CACNA1D: variants seen among roughly 807,000 people sequenced by gnomAD.
The protein encoded by CACNA1D is calcium voltage-gated channel subunit alpha1 D, also known as voltage-dependent L-type calcium channel subunit alpha-1D.
In CACNA1D, 55 loss-of-function variants were observed where a neutral mutation model predicts 257.1. That is an observed-to-expected ratio of 0.21 (90% CI 0.17 to 0.27). The LOEUF is 0.27. Among genes scored for constraint, CACNA1D ranks in the 10% least tolerant of loss-of-function variants. CACNA1D has a pLI of 1.00. For missense variants in CACNA1D, 1,876 were observed against 2,784.0 expected (o/e 0.67, Z 7.34); for synonymous variants, 980 against 1,014.9 (o/e 0.97, Z 0.65).
At chr3:53,787,326 GA>G (rs2095459464) in intron 40 of CACNA1D, among the ~76,000 whole-genome samples, 1 of 152,154 alleles carries the variant, frequency 6.6e-6, no homozygotes, top group East Asian at 1.9e-4. Context: ...CTTTCCATCT[GA>G]ACGCAAGTGC....
chr3:53,784,712 G>A (rs1008802090), intron 39 of CACNA1D, among the ~76,000 whole-genome samples: 5 of 152,182 alleles, frequency 3.3e-5, no homozygotes, highest in African/African-American at 1.2e-4. Context: ...GCTGTGGCAT[G>A]GCAGGCCACC....
intron 47 of CACNA1D, among the ~76,000 whole-genome samples, chr3:53,810,757 T>TA (rs2095594162): frequency 6.2e-5 from 1 of 16,012 alleles, no homozygotes; most frequent in Non-Finnish European, 1.3e-4. Flanking sequence ...GACTCTTGTC[T>TA]CAAAAAAAAA....
chr3:53,808,887 C>T (rs996379044), intron 46 of CACNA1D, 117 bp downstream of exon 46: 16 of 1,050,646 alleles, frequency 1.5e-5, no homozygotes, highest in African/African-American at 1.3e-4. Context: ...GAATCTTCAC[C>T]TACAGTCTAG....
chr3:53,556,449 G>A (rs193110779), intron 3 of CACNA1D, among the ~76,000 whole-genome samples: 4 of 152,274 alleles, frequency 2.6e-5, no homozygotes, highest in African/African-American at 9.6e-5. Flanking sequence ...TGTAATAGGT[G>A]CGTAGTAGTA....
chr3:53,762,575 A>G (rs1439756827), intron 30 of CACNA1D: 2 of 456,698 alleles, frequency 4.4e-6, no homozygotes, highest in Admixed American at 2.3e-5. Context: ...TGCATGGAAC[A>G]CTTTTGATGC....
chr3:53,722,862 C>G (rs1351118379), intron 12 of CACNA1D, among the ~76,000 whole-genome samples: 1 of 152,174 alleles, frequency 6.6e-6, no homozygotes, highest in African/African-American at 2.4e-5. Context: ...GGGTGTGGGA[C>G]ACTCATCCCT....
intron 3 of CACNA1D, among the ~76,000 whole-genome samples, chr3:53,556,752 T>C (rs1438272105): frequency 6.6e-6 from 1 of 151,952 alleles, no homozygotes; most frequent in Non-Finnish European, 1.5e-5. Context: ...AGTCTTGCTC[T>C]GTTGCCAGGC....
intron 43 of CACNA1D, among the ~76,000 whole-genome samples, chr3:53,802,759 AGTG>A (rs2095542622): frequency 6.6e-6 from 1 of 152,234 alleles, no homozygotes; most frequent in Admixed American, 6.5e-5. Context: ...GGTGCAAGAA[AGTG>A]GAGAAGTCAG....
Position 53,803,427 on chromosome 3 carries a change from G to T in CACNA1D, c.5440G>T (p.Asp1814Tyr). 1.2e-6 allele frequency: 2 copies of T among 1,614,180 alleles called. No individual in the cohort carries two copies. The highest frequency in any genetic ancestry group is 1.7e-6 in the Non-Finnish European group (2 of 1,180,036). The change falls in exon 44 of 48, where the codon GAC (aspartate) becomes TAC (tyrosine). Residue 1814 changes from aspartate (D) to tyrosine (Y), a missense_variant. Transcript: ENST00000350061. The stretch of plus-strand genomic sequence containing the variant: ...GATCCTCTCTCCCAACTGCAGGTCC[G>T]ACTCAGGAGATGAACAGCTCCCAAC... ...TRYYETYIRS[D>Y]SGDEQLPTIC...
At chr3:53,567,221 C>T (rs1012509474) in intron 3 of CACNA1D, among the ~76,000 whole-genome samples, 2 of 152,204 alleles carry the variant, frequency 1.3e-5, no homozygotes, top group African/African-American at 4.8e-5. Context: ...TAATTCATCG[C>T]TAAAGTTCAC....
chr3:53,772,021 A>G (rs770408059), intron 32 of CACNA1D, among the ~76,000 whole-genome samples: 2 of 152,230 alleles, frequency 1.3e-5, no homozygotes, highest in Non-Finnish European at 2.9e-5. Flanking sequence ...TGCTTTAAGC[A>G]TGTGTTCCCA....
In CACNA1D at chr3:53,673,249, G is replaced by A. The variant is rs2094343077; in HGVS notation, c.1220+123G>A. ...AGACATTTTATGTGTCCTCTGAGAT[G>A]CTTTCTTTTCTGCTGAGGCTTCCCA... is the stretch of plus-strand genomic sequence containing the variant. On this transcript the variant is annotated intron_variant, in intron 8 of 47. Coordinates refer to ENST00000350061, the MANE Select transcript of CACNA1D (RefSeq NM_001128840.3). The surrounding 1 kb of genome is among the most constrained non-coding windows in gnomAD (Gnocchi z 4.1). The A allele has an allele frequency of 1.5e-6, 1 of 660,190 alleles. No individual in the cohort carries two copies. 40.9% of individuals were successfully genotyped at this position (660,190 alleles called of 1,614,324 possible). A position where few individuals can be genotyped will look rare whatever the true frequency, so the allele number is the denominator to read the frequency against.
At chr3:53,628,537 T>C (rs1314049152) in intron 3 of CACNA1D, among the ~76,000 whole-genome samples, 1 of 152,238 alleles carries the variant, frequency 6.6e-6, no homozygotes, top group Non-Finnish European at 1.5e-5. Flanking sequence ...TTTATAGTCT[T>C]GTAGGAACTT....
chr3:53,586,608 C>T (rs559926623), intron 3 of CACNA1D, among the ~76,000 whole-genome samples: 7 of 152,122 alleles, frequency 4.6e-5, no homozygotes, highest in South Asian at 2.1e-4. Flanking sequence ...ACAGTAACAA[C>T]GATTCTTTAC....
At chr3:53,545,998 A>G (rs1485009821) in intron 3 of CACNA1D, among the ~76,000 whole-genome samples, 1 of 152,190 alleles carries the variant, frequency 6.6e-6, no homozygotes, top group Admixed American at 6.5e-5. Flanking sequence ...TGGAGAACTG[A>G]TACAAACTGG....
intron 3 of CACNA1D, among the ~76,000 whole-genome samples, chr3:53,522,482 C>T (rs1381023045): frequency 6.6e-6 from 1 of 152,238 alleles, no homozygotes; most frequent in Non-Finnish European, 1.5e-5. Flanking sequence ...TGCCTTTCCT[C>T]ACCTCAGCCA....
At chr3:53,763,839 C>G (rs949806084) in intron 30 of CACNA1D, among the ~76,000 whole-genome samples, 1 of 152,162 alleles carries the variant, frequency 6.6e-6, no homozygotes, top group African/African-American at 2.4e-5. Flanking sequence ...GATTCCAGCT[C>G]CCTCATGGGC....
chr3:53,528,852 T>G (rs1460971156), intron 3 of CACNA1D, among the ~76,000 whole-genome samples: 2 of 152,220 alleles, frequency 1.3e-5, no homozygotes, highest in Admixed American at 6.5e-5. Flanking sequence ...TTGTATATGT[T>G]GCCTTGTACA....
chr3:53,510,915 T>C (rs973911099), intron 3 of CACNA1D, among the ~76,000 whole-genome samples: 3 of 152,226 alleles, frequency 2.0e-5, no homozygotes, highest in African/African-American at 7.2e-5. Flanking sequence ...CTCCCTTGCT[T>C]TCAGTCCCAG....
Sources: gnomAD v4.1 joint callset for allele counts (sites outside exome capture counted in the v4.1 genomes callset) on GRCh38, gnomAD v4.1.1 for gene constraint, Gnocchi (gnomAD v3.1) non-coding constraint, MANE v1.5 for transcripts, NCBI Gene and HGNC (gene_info 2026-07-23, HGNC 2026-07-21) for gene names.